Variants in CEP55 observed in about 807,000 individuals in gnomAD.
CEP55 encodes the protein centrosomal protein of 55 kDa.
A neutral mutation model predicts 63.2 loss-of-function variants in CEP55; 57 were observed. The ratio of observed to expected loss-of-function variants is 0.90; its 90% CI spans 0.73 to 1.13. CEP55 has a LOEUF of 1.13. CEP55 is among the 50% of genes most tolerant of loss of function. The pLI, the probability that CEP55 is intolerant of heterozygous loss-of-function variation, is 0.00. For missense variants in CEP55, 456 were observed against 518.9 expected, an observed-to-expected ratio of 0.88 and a Z score of 1.18; for synonymous variants, 178 against 191.6, an observed-to-expected ratio of 0.93 and a Z score of 0.59.
intron 8 of CEP55, among the ~76,000 whole-genome samples, chr10:93,524,008 C>A (rs911978255): frequency 2.6e-5 from 4 of 151,902 alleles, no homozygotes; most frequent in African/African-American, 9.7e-5. Flanking sequence ...AAACTGACAC[C>A]CTAACGTCAC....
intron 4 of CEP55, among the ~76,000 whole-genome samples, chr10:93,508,363 G>A (rs1017537036): frequency 6.6e-6 from 1 of 152,088 alleles, no homozygotes. Context: ...TAAGATTTCT[G>A]TTTTACTTCA....
chr10:93,521,607 C>T (rs1402930200), intron 8 of CEP55, among the ~76,000 whole-genome samples: 1 of 152,152 alleles, frequency 6.6e-6, no homozygotes, highest in Non-Finnish European at 1.5e-5. Flanking sequence ...GTGGTTCTCC[C>T]AGCACGCAGC....
intron 2 of CEP55, among the ~76,000 whole-genome samples, chr10:93,502,679 C>G (rs1205986537): frequency 1.3e-5 from 2 of 152,266 alleles, no homozygotes; most frequent in African/African-American, 4.8e-5. Flanking sequence ...CTGAAATATT[C>G]TGTAACTTTT....
intron 4 of CEP55, among the ~76,000 whole-genome samples, chr10:93,511,553 G>T (rs1564764391): frequency 6.6e-6 from 1 of 151,378 alleles, no homozygotes; most frequent in Admixed American, 6.6e-5. Context: ...CAACTAACAT[G>T]TATTTTTGTT....
At chr10:93,527,018 C>T (rs2057930266) in intron 8 of CEP55, among the ~76,000 whole-genome samples, 1 of 151,994 alleles carries the variant, frequency 6.6e-6, no homozygotes, top group South Asian at 2.1e-4. Flanking sequence ...ACCAACATGG[C>T]ACATGTATAC....
intron 4 of CEP55, among the ~76,000 whole-genome samples, chr10:93,508,841 CT>C (rs1409264526): frequency 1.3e-5 from 2 of 152,210 alleles, no homozygotes; most frequent in African/African-American, 4.8e-5. Context: ...AATTCCTATT[CT>C]TTTCTCCTGC....
rs1254959886 is a variant in CEP55, at chr10:93,503,208, C to CAGAT, written c.281_284dup (p.Tyr95Ter). On this transcript the variant is annotated frameshift_variant, in exon 3 of 9. Coordinates refer to ENST00000371485, the MANE Select transcript of CEP55 (RefSeq NM_018131.5). LOFTEE classifies it high-confidence loss of function. ...AGCGACTGAGAGACCAACTGAAGGC[C>CAGAT]AGATATAGTACTACCACATTGCTTG... The CAGAT allele has an allele frequency of 6.2e-7, 1 of 1,613,878 alleles. No homozygotes were observed. The highest frequency in any genetic ancestry group is 1.7e-5 in the Admixed American group (1 of 60,000).
rs543160106 is a variant in CEP55 at position 93,528,424 on chromosome 10, C to A, written c.*271C>A. 124 of 411,536 alleles carry A rather than the reference C, an allele frequency of 3.0e-4. No homozygotes were observed. Among genetic ancestry groups the A allele is most frequent in the African/African-American group, 2.4e-3 (119 of 48,808 alleles). 25.5% of individuals were successfully genotyped at this position (411,536 alleles called of 1,614,324 possible). A position where few individuals can be genotyped will look rare whatever the true frequency, so the allele number is the denominator to read the frequency against. ...ACTAACATTTTGCACTGTCAAAATA[C>A]TTGGTGAGGAAAAGATAGCTCAGGT... is the stretch of plus-strand genomic sequence containing the variant. On this transcript the variant is annotated 3_prime_UTR_variant, in exon 9 of 9. Coordinates refer to ENST00000371485, the MANE Select transcript of CEP55 (RefSeq NM_018131.5).
Position 93,528,276 on chromosome 10 carries a change from G to A in CEP55, c.*123G>A. ...CTGCCTATCTACCTTTGACACTCCAGCATGCTAGTGAATCATGTATCTTTT... is the reference window on the plus strand; with the variant it reads ...CTGCCTATCTACCTTTGACACTCCAACATGCTAGTGAATCATGTATCTTTT... On this transcript the variant is annotated 3_prime_UTR_variant, in exon 9 of 9. Coordinates refer to ENST00000371485, the MANE Select transcript of CEP55 (RefSeq NM_018131.5). 1.4e-6 allele frequency: 1 copy of A among 737,098 alleles called. No individual in the cohort carries two copies. Among genetic ancestry groups the A allele is most frequent in the East Asian group, 2.7e-5 (1 of 37,084 alleles). 45.7% of individuals were successfully genotyped at this position (737,098 alleles called of 1,614,324 possible). A position where few individuals can be genotyped will look rare whatever the true frequency, so the allele number is the denominator to read the frequency against.
chr10:93,512,999 C>T (rs150698574), intron 4 of CEP55, among the ~76,000 whole-genome samples: 4 of 152,236 alleles, frequency 2.6e-5, no homozygotes, highest in Admixed American at 6.5e-5. Flanking sequence ...ATATCTACCA[C>T]GAAGTTTCAA....
rs767470856 is a variant in CEP55, at chr10:93,503,253, G to A, written c.324G>A (p.Thr108=). The A allele has an allele frequency of 1.5e-5, 24 of 1,613,984 alleles. No individual in the cohort carries two copies. The highest frequency in any genetic ancestry group is 4.4e-5 in the South Asian group (4 of 91,084). The stretch of plus-strand genomic sequence containing the variant: ...TGCTTGAACAGCTGGAAGAGACAAC[G>A]AGAGAAGGAGAAAGGAGGGAGCAGG... ...TTLLEQLEET[T]REGERREQVL... Residue 108 remains threonine (T), a synonymous_variant, in exon 3 of 9, where the codon ACG becomes ACA. Transcript: ENST00000371485.
At chr10:93,504,479 A>C (rs2057667994) in intron 3 of CEP55, among the ~76,000 whole-genome samples, 1 of 151,964 alleles carries the variant, frequency 6.6e-6, no homozygotes, top group Non-Finnish European at 1.5e-5. Context: ...TCTCAAAAAA[A>C]AAAAAATCAT....
intron 2 of CEP55, among the ~76,000 whole-genome samples, chr10:93,500,653 T>G (rs1429815034): frequency 6.6e-6 from 1 of 152,218 alleles, no homozygotes; most frequent in Non-Finnish European, 1.5e-5. Flanking sequence ...ACATGAATAT[T>G]CTTGATAACT....
chr10:93,507,110 T>TA, intron 4 of CEP55, 54 bp downstream of exon 4: 1 of 1,068,270 alleles, frequency 9.4e-7, no homozygotes, highest in South Asian at 1.5e-5. Context: ...CATTTATTCT[T>TA]AAGTTTTACA....
At position 93,519,791 on chromosome 10, in the gene CEP55, C is replaced by T. The variant is rs746922779; in HGVS notation, c.1175C>T (p.Thr392Ile). ...CTCCGAAAAGCAAGAAATCAAATAA[C>T]ACAGTTGGAATCCTTGGTGAGTCTG... ...KELRKARNQI[T>I]QLESLKQLHE... Residue 392 changes from threonine (T) to isoleucine (I), a missense_variant, in exon 8 of 9, where the codon ACA becomes ATA. Coordinates refer to ENST00000371485, the MANE Select transcript of CEP55 (RefSeq NM_018131.5). 4 of 1,614,070 alleles carry T rather than the reference C, an allele frequency of 2.5e-6. No individual in the cohort carries two copies. The Admixed American group carries it at 6.7e-5, about 27-fold the overall frequency.
intron 4 of CEP55, among the ~76,000 whole-genome samples, chr10:93,512,610 T>C (rs1015672582): frequency 6.6e-6 from 1 of 152,134 alleles, no homozygotes; most frequent in Non-Finnish European, 1.5e-5. Flanking sequence ...AATGTAAAAT[T>C]TAGTATAAAA....
chr10:93,510,119 G>A (rs867156032), intron 4 of CEP55, among the ~76,000 whole-genome samples: 7 of 152,232 alleles, frequency 4.6e-5, no homozygotes, highest in South Asian at 2.1e-4. Flanking sequence ...TTACCATTTC[G>A]CTCTGGCCGA....
At chr10:93,524,177 A>G (rs1394398532) in intron 8 of CEP55, among the ~76,000 whole-genome samples, 3 of 152,032 alleles carry the variant, frequency 2.0e-5, no homozygotes, top group Non-Finnish European at 4.4e-5. Flanking sequence ...GATCAACAAA[A>G]TTGATAGACC....
rs746729536 is a variant in CEP55, at chr10:93,500,030, A to G, written c.-12-10A>G. ...ACTCAGAATTATACAGTTGATTTTT[A>G]TTTTTACAGACCATTTCAGAGATGT... On this transcript the variant is annotated splice_polypyrimidine_tract_variant and intron_variant, in intron 1 of 8. Transcript: ENST00000371485. 6.4e-7 allele frequency: 1 copy of G among 1,560,186 alleles called. No individual in the cohort carries two copies. The highest frequency in any genetic ancestry group is 2.2e-5 in the East Asian group (1 of 44,640).
Sources: gnomAD v4.1 joint callset for allele counts (sites outside exome capture counted in the v4.1 genomes callset) on GRCh38, gnomAD v4.1.1 for gene constraint, MANE v1.5 for transcripts, NCBI Gene and HGNC (gene_info 2026-07-23, HGNC 2026-07-21) for gene names.